Variants in CLEC4A observed in about 807,000 individuals in gnomAD.
The protein encoded by CLEC4A is C-type (calcium dependent, carbohydrate-recognition domain) lectin, superfamily member 6.
In CLEC4A, 27 loss-of-function variants were observed where a neutral mutation model predicts 32.7. The observed-to-expected ratio is 0.83, with a 90% CI of 0.61 to 1.14. The LOEUF (loss-of-function observed/expected upper bound fraction) is 1.14. Ranked by LOEUF, CLEC4A falls within the 50% of genes most tolerant of loss-of-function variation. CLEC4A has a pLI of 0.00. For synonymous variants in CLEC4A, 89 were observed against 93.7 expected, an observed-to-expected ratio of 0.95 and a Z score of 0.29; for missense variants, 253 against 274.6, an observed-to-expected ratio of 0.92 and a Z score of 0.55.
At chr12:8,106,127 C>T in the CLEC4A span, among the ~76,000 whole-genome samples, 1 of 152,146 alleles carries the variant, frequency 6.6e-6, no homozygotes. Context: ...TATCCCAGCA[C>T]CATTTATTGA....
rs1484439093 is a variant in CLEC4A, at chr12:8,135,698, G to C, written c.412G>C (p.Glu138Gln). The change falls in exon 4 of 6, where the codon GAG becomes CAG. Residue 138 changes from glutamate (E) to glutamine (Q), a missense_variant. Transcript: ENST00000229332. ...CAGTGAGAAGGACTGTGCTAGAATG[G>C]AGGCTCACCTGCTGGTGATAAACAC... ...QDSEKDCARM[E>Q]AHLLVINTQE... 7 of 1,614,170 alleles carry C rather than the reference G, an allele frequency of 4.3e-6. No individual in the cohort carries two copies. The Admixed American group carries it at 6.7e-5, about 15-fold the overall frequency.
intron 2 of CLEC4A, among the ~76,000 whole-genome samples, chr12:8,127,481 A>G (rs1057358147): frequency 3.3e-5 from 5 of 151,668 alleles, no homozygotes; most frequent in African/African-American, 1.2e-4. Context: ...GATACAGGGT[A>G]TGTTGAAAGT....
intron 3 of CLEC4A, chr12:8,134,986 G>GTTGTTGTTTTT (rs1948077860): frequency 1.4e-5 from 2 of 138,874 alleles, no homozygotes; most frequent in African/African-American, 1.2e-4. Flanking sequence ...TTTGTTTTTT[G>GTTGTTGTTTTT]TTTTTTTTTA....
At chr12:8,134,085 G>A in intron 3 of CLEC4A, 1 of 1,589,428 alleles carries the variant, frequency 6.3e-7, no homozygotes, top group Non-Finnish European at 8.6e-7. Context: ...ATCTGCTGCA[G>A]TGTGGGTTTC....
the CLEC4A span, among the ~76,000 whole-genome samples, chr12:8,110,503 C>G: frequency 6.6e-6 from 1 of 152,146 alleles, no homozygotes; most frequent in Non-Finnish European, 1.5e-5. Context: ...TTTGGTCTTT[C>G]TGCCTCAAAT....
chr12:8,104,326 A>C, the CLEC4A span, among the ~76,000 whole-genome samples: 2 of 152,132 alleles, frequency 1.3e-5, no homozygotes, highest in Admixed American at 6.5e-5. Flanking sequence ...TTTTCATTCC[A>C]GTGCATTTTC....
chr12:8,125,013 G>T (rs1352783564), intron 1 of CLEC4A, among the ~76,000 whole-genome samples: 1 of 151,846 alleles, frequency 6.6e-6, no homozygotes. Flanking sequence ...ACCATGAGAT[G>T]GTAACTAAAA....
chr12:8,117,058 A>G, the CLEC4A span, among the ~76,000 whole-genome samples: 5 of 152,178 alleles, frequency 3.3e-5, no homozygotes, highest in Non-Finnish European at 7.3e-5. Flanking sequence ...CAAGCAATAA[A>G]GAATTCTTTT....
chr12:8,128,627 T>C (rs1307102349), intron 2 of CLEC4A, among the ~76,000 whole-genome samples: 1 of 152,078 alleles, frequency 6.6e-6, no homozygotes. Context: ...GCCAGGCTAG[T>C]CTCGAACTCC....
intron 5 of CLEC4A, among the ~76,000 whole-genome samples, chr12:8,137,429 C>T (rs1354341262): frequency 6.6e-6 from 1 of 152,044 alleles, no homozygotes; most frequent in African/African-American, 2.4e-5. Context: ...CAAGTATGTG[C>T]CACCACACCC....
chr12:8,106,453 G>A, the CLEC4A span, among the ~76,000 whole-genome samples: 1 of 152,116 alleles, frequency 6.6e-6, no homozygotes. Flanking sequence ...GATAGGAATA[G>A]CATCAAATCT....
At chr12:8,128,685 A>C (rs7974592) in intron 2 of CLEC4A, among the ~76,000 whole-genome samples, 151,694 of 152,306 alleles carry the variant, frequency 1, 75,543 homozygotes, top group Middle Eastern at 1. Context: ...GCGTGAGCCA[A>C]TGTGCCCGGC....
chr12:8,138,475 GCATTTTTT>G lies in CLEC4A; in HGVS notation c.*192_*199del. The G allele has an allele frequency of 7.6e-6, 5 of 653,816 alleles. No homozygotes were observed. The highest frequency in any genetic ancestry group is 1.2e-5 in the Non-Finnish European group (5 of 406,192). The allele number at this position is 653,816 out of a possible 1,614,324, so 40.5% of individuals were successfully genotyped here. A position where few individuals can be genotyped will look rare whatever the true frequency, so the allele number is the denominator to read the frequency against. On this transcript the variant is annotated 3_prime_UTR_variant, in exon 6 of 6. Coordinates refer to ENST00000229332, the MANE Select transcript of CLEC4A (RefSeq NM_016184.4). ...TTTTCATAAAGTGAGCATTTATTGAGCATTTTTTCATGTGCCAGAGCCTGTACTGGAGG... is the reference window on the plus strand; with the variant it reads ...TTTTCATAAAGTGAGCATTTATTGAGCATGTGCCAGAGCCTGTACTGGAGG...
intron 3 of CLEC4A, chr12:8,134,721 C>T (rs1948063823): frequency 6.4e-7 from 1 of 1,566,950 alleles, no homozygotes; most frequent in African/African-American, 1.4e-5. Context: ...GATTCCTGGC[C>T]CTCCAGGAGG....
intron 2 of CLEC4A, among the ~76,000 whole-genome samples, chr12:8,128,859 T>C (rs893050058): frequency 6.6e-6 from 1 of 152,104 alleles, no homozygotes; most frequent in Non-Finnish European, 1.5e-5. Flanking sequence ...CTTTTTAAAA[T>C]TCTCCATTCT....
the CLEC4A span, among the ~76,000 whole-genome samples, chr12:8,113,261 C>A: frequency 1.3e-5 from 2 of 151,934 alleles, no homozygotes. Flanking sequence ...ATGATGGTTA[C>A]CAGTTTCATC....
chr12:8,112,735 A>G, the CLEC4A span, among the ~76,000 whole-genome samples: 1 of 152,098 alleles, frequency 6.6e-6, no homozygotes, highest in Non-Finnish European at 1.5e-5. Context: ...CAGGGTTATT[A>G]TCAGATTGAG....
At chr12:8,117,316 G>A in the CLEC4A span, among the ~76,000 whole-genome samples, 1 of 151,688 alleles carries the variant, frequency 6.6e-6, no homozygotes, top group African/African-American at 2.4e-5. Context: ...TCGGCTCACT[G>A]CAACCTCTGC....
chr12:8,134,487 A>C lies in CLEC4A; in HGVS notation c.299-1098A>C, dbSNP rs1177113346. Reference sequence around the variant, plus strand: ...CTCCAGCTTCTCCTTCTCCAGCTTCACGGCACCAGAGGGGACGGTGCAGGG... The same window carrying C: ...CTCCAGCTTCTCCTTCTCCAGCTTCCCGGCACCAGAGGGGACGGTGCAGGG... On this transcript the variant is annotated intron_variant, in intron 3 of 5. Coordinates refer to ENST00000229332, the MANE Select transcript of CLEC4A (RefSeq NM_016184.4). 5 of 1,613,846 alleles carry C rather than the reference A, an allele frequency of 3.1e-6. No individual in the cohort carries two copies. In the Admixed American group the frequency reaches 8.3e-5, roughly 27 times the overall value.
Sources: allele counts gnomAD v4.1 joint callset (sites outside exome capture counted in the v4.1 genomes callset), GRCh38; gene constraint gnomAD v4.1.1; transcripts MANE v1.5; gene names NCBI Gene and HGNC (gene_info 2026-07-23, HGNC 2026-07-21).